Variants in MGA observed in about 807,000 individuals in gnomAD.
The protein encoded by MGA is MAX gene-associated protein.
MGA carries 40 observed loss-of-function variants against 261.1 expected under a neutral mutation model. The ratio of observed to expected loss-of-function variants is 0.15; its 90% CI spans 0.12 to 0.20. The LOEUF (loss-of-function observed/expected upper bound fraction) is 0.20. MGA is among the 10% of genes least tolerant of loss of function. The probability of loss-of-function intolerance (pLI) is 1.00; values close to 1 mark genes in which losing one functional copy is unlikely to be tolerated. For synonymous variants in MGA, 1,302 were observed against 1,290.6 expected (o/e 1.01, Z -0.19); for missense variants, 3,397 against 3,630.5 (o/e 0.94, Z 1.65).
At chr15:41,636,678 G>A (rs892149276) in intron 1 of MGA, among the ~76,000 whole-genome samples, 17 of 151,980 alleles carry the variant, frequency 1.1e-4, no homozygotes, top group African/African-American at 3.9e-4. Context: ...ACCTCCCAAA[G>A]TGCTGGGATT....
Position 41,757,817 on chromosome 15 carries a change from AAGC to A in MGA, c.7173_7175del (p.Ala2392del). The A allele has an allele frequency of 6.2e-7, 1 of 1,610,078 alleles. No individual in the cohort carries two copies. Among genetic ancestry groups the A allele is most frequent in the African/African-American group, 1.3e-5 (1 of 74,962 alleles). ...TGTACTCACATCTCTGCAGATGAAA[AAGC>A]AGCTGAAAGGAGTCGAAAGGTATTT... On this transcript the variant is annotated inframe_deletion, in exon 19 of 24. Transcript: ENST00000219905.
chr15:41,749,430 T>G lies in MGA; in HGVS notation c.5823T>G (p.Ser1941=), dbSNP rs764783979. 1.2e-6 allele frequency: 2 copies of G among 1,614,040 alleles called. No individual in the cohort carries two copies. The highest frequency in any genetic ancestry group is 1.1e-5 in the South Asian group (1 of 91,086). Residue 1941 remains serine, a synonymous_variant, in exon 17 of 24, where the codon TCT becomes TCG. Transcript: ENST00000219905. ...CAGCCAGTCTTATTCCTCTCCAGTC[T>G]GGTAGTTTTGCCTTGTTACAGCTCC... is the stretch of plus-strand genomic sequence containing the variant.
At chr15:41,709,724 C>T (rs187634099) in intron 7 of MGA, among the ~76,000 whole-genome samples, 1 of 152,126 alleles carries the variant, frequency 6.6e-6, no homozygotes, top group Non-Finnish European at 1.5e-5. Context: ...GCATGAACCC[C>T]CGTGCTCAGT....
rs768546440 is a variant in MGA at position 41,710,783 on chromosome 15, A to G, written c.2518A>G (p.Thr840Ala). 2 of 1,613,944 alleles carry G rather than the reference A, an allele frequency of 1.2e-6. No individual in the cohort carries two copies. Among genetic ancestry groups the G allele is most frequent in the Admixed American group, 3.3e-5 (2 of 59,996 alleles). The change falls in exon 8 of 24, where the codon ACA (threonine) becomes GCA (alanine). Residue 840 changes from threonine (T) to alanine (A), a missense_variant. Thr to Ala is a moderately conservative substitution (Grantham distance 58). Coordinates refer to ENST00000219905, the MANE Select transcript of MGA (RefSeq NM_001164273.2). ...GGAAAATGAAGGCAAGCTGATGGAA[A>G]CAAGCATGGGTTTTTCTTCTAATGC...
intron 1 of MGA, among the ~76,000 whole-genome samples, chr15:41,654,387 A>T (rs1364503574): frequency 1.3e-5 from 2 of 152,174 alleles, no homozygotes; most frequent in Admixed American, 6.6e-5. Flanking sequence ...TTTAAAAAAA[A>T]TCATAGTAAT....
chr15:41,699,419 A>G (rs895824019), intron 5 of MGA, among the ~76,000 whole-genome samples: 3 of 152,046 alleles, frequency 2.0e-5, no homozygotes, highest in African/African-American at 7.2e-5. Context: ...AGCAAGTGAT[A>G]TTTTCTTTGT....
intron 2 of MGA, among the ~76,000 whole-genome samples, chr15:41,695,642 A>G (rs970475330): frequency 6.6e-6 from 1 of 152,190 alleles, no homozygotes; most frequent in Non-Finnish European, 1.5e-5. Flanking sequence ...TTAACTCCCT[A>G]TCTTTTATTT....
chr15:41,639,039 C>T (rs994533118), intron 1 of MGA, among the ~76,000 whole-genome samples: 3 of 152,026 alleles, frequency 2.0e-5, no homozygotes, highest in Admixed American at 1.3e-4. Context: ...CACTGTGTTG[C>T]CCAGGCTGGA....
Position 41,705,363 on chromosome 15 carries a change from C to CT in MGA, c.2189-2354dup, listed in dbSNP as rs879850885. Among the ~76,000 whole-genome samples, 126 of 145,962 alleles carry CT rather than the reference C, an allele frequency of 8.6e-4. 1 individual carries two copies. Among genetic ancestry groups the CT allele is most frequent in the East Asian group, 7.6e-3 (38 of 5,018 alleles). ...ACATAACACTAAAGCTTCTTGAGGT[C>CT]TTTTTTTTTTTCAAGACAGGATTTT... is the stretch of plus-strand genomic sequence containing the variant. On this transcript the variant is annotated intron_variant, in intron 5 of 23. Transcript: ENST00000219905.
At chr15:41,747,215 G>A (rs1271814647) in intron 15 of MGA, among the ~76,000 whole-genome samples, 1 of 151,920 alleles carries the variant, frequency 6.6e-6, no homozygotes, top group Non-Finnish European at 1.5e-5. Flanking sequence ...CCATTTTGGG[G>A]GGCTTAAGTA....
intron 2 of MGA, among the ~76,000 whole-genome samples, chr15:41,674,529 T>TC (rs894592761): frequency 2.1e-5 from 3 of 140,994 alleles, no homozygotes; most frequent in African/African-American, 8.5e-5. Flanking sequence ...TTATTTTTAT[T>TC]TTTTTTTTTA....
At chr15:41,657,339 CTTTTTTTTTTTTTTTT>C (rs373920516), upstream of MGA, among the ~76,000 whole-genome samples, 3 of 106,912 alleles carry the variant, frequency 2.8e-5, no homozygotes, top group Non-Finnish European at 5.3e-5. Context: ...AGTGAAGGCC[CTTTTTTTTTTTTTTTT>C]TTTTTTTTTT....
chr15:41,740,276 G>A, intron 14 of MGA, 73 bp downstream of exon 14: 12 of 1,459,504 alleles, frequency 8.2e-6, no homozygotes, highest in Non-Finnish European at 1.1e-5. Flanking sequence ...AGGTATGGAG[G>A]TTGTAAAAAT....
At chr15:41,739,299 A>G (rs1486983733) in intron 13 of MGA, among the ~76,000 whole-genome samples, 1 of 152,248 alleles carries the variant, frequency 6.6e-6, no homozygotes, top group Non-Finnish European at 1.5e-5. Flanking sequence ...TCGTACCAAC[A>G]TTCAGTTTGA....
chr15:41,731,819 T>C (rs148075319), intron 11 of MGA, among the ~76,000 whole-genome samples: 1 of 152,320 alleles, frequency 6.6e-6, no homozygotes, highest in African/African-American at 2.4e-5. Context: ...CTCTTAAACA[T>C]GTGGGGAAGC....
chr15:41,727,501 C>T, intron 10 of MGA, 95 bp downstream of exon 10: 2 of 1,196,706 alleles, frequency 1.7e-6, no homozygotes, highest in Non-Finnish European at 2.4e-6. Flanking sequence ...TTTTGTGAAT[C>T]ATTTTGCTTT....
At chr15:41,746,720 A>T (rs2062509117) in intron 15 of MGA, among the ~76,000 whole-genome samples, 1 of 151,788 alleles carries the variant, frequency 6.6e-6, no homozygotes, top group South Asian at 2.1e-4. Flanking sequence ...GAAATTTGAT[A>T]TTTTTTTGTG....
At chr15:41,757,695 G>A in intron 18 of MGA, 93 bp from the exon 19 acceptor site, 3 of 932,256 alleles carry the variant, frequency 3.2e-6, no homozygotes, top group Non-Finnish European at 5.0e-6. Flanking sequence ...AAAAGAAACT[G>A]GTTGTAATTT....
Position 41,742,921 on chromosome 15 carries a change from C to T in MGA, c.4961C>T (p.Ser1654Phe). ...AGCACCTCTGTAACATCTACCCAGT[C>T]TACAGCCACTGTGAACCTTACCAAA... The change falls in exon 15 of 24, where the codon TCT (serine) becomes TTT (phenylalanine). Residue 1654 changes from serine to phenylalanine, a missense_variant. Ser to Phe is a radical substitution (Grantham distance 155). This residue lies in a region of MGA where 1,410 missense variants were observed against 1,386.4 expected (regional missense o/e 1.02). Transcript: ENST00000219905. 1 of 1,614,038 alleles carries T rather than the reference C, an allele frequency of 6.2e-7. No homozygotes were observed. The highest frequency in any genetic ancestry group is 8.5e-7 in the Non-Finnish European group (1 of 1,179,892).
Sources: allele counts gnomAD v4.1 joint callset (sites outside exome capture counted in the v4.1 genomes callset), GRCh38; gene constraint gnomAD v4.1.1; regional missense constraint gnomAD v4.1.1; transcripts MANE v1.5; gene names NCBI Gene and HGNC (gene_info 2026-07-23, HGNC 2026-07-21).